Variants in PCDH10 observed in about 807,000 individuals in gnomAD.
PCDH10 encodes the protein protocadherin-10.
PCDH10 carries 15 observed loss-of-function variants against 74.4 expected under a neutral mutation model. The ratio of observed to expected loss-of-function variants is 0.20; its 90% CI spans 0.13 to 0.31. The LOEUF (loss-of-function observed/expected upper bound fraction) is 0.31. Ranked by LOEUF, PCDH10 falls within the 10% of genes least tolerant of loss-of-function variation. PCDH10 has a pLI of 1.00. For synonymous variants in PCDH10, 619 were observed against 589.8 expected (o/e 1.05, Z -0.72); for missense variants, 1,260 against 1,390.2 (o/e 0.91, Z 1.49).
At position 133,203,778 on chromosome 4, in the gene PCDH10, T is replaced by C. The variant is rs571384052; in HGVS notation, n.438-4298T>C. 1.1e-4 allele frequency among the ~76,000 whole-genome samples: 16 copies of C among 152,304 alleles called. 1 individual carries two copies. The South Asian group carries it at 2.7e-3, about 26-fold the overall frequency. On this transcript the variant is annotated intron_variant and non_coding_transcript_variant, in intron 2 of 2. Coordinates refer to the PCDH10 transcript ENST00000511112. The stretch of plus-strand genomic sequence containing the variant: ...CTCTTGGTGCAGACCTTCTGTGTGG[T>C]TGAGGGTAAAAATGTTGGGAGCCTA...
chr4:133,162,878 T>C (rs985344959), intron 3 of PCDH10, 99 bp from the exon 4 acceptor site: 19 of 1,006,562 alleles, frequency 1.9e-5, no homozygotes, highest in Non-Finnish European at 8.7e-6. Context: ...TTAAGACAAC[T>C]TCACTTGTCA....
exon 3 of PCDH10, chr4:133,208,532 C>A (rs1017717450): frequency 6.6e-6 from 1 of 152,040 alleles, no homozygotes; most frequent in Non-Finnish European, 1.5e-5. Flanking sequence ...ACCTTGCACA[C>A]AAAAAATCAT....
chr4:133,180,566 C>T (rs1727395811), intron 4 of PCDH10, among the ~76,000 whole-genome samples: 1 of 151,756 alleles, frequency 6.6e-6, no homozygotes, highest in South Asian at 2.1e-4. Flanking sequence ...GTTTTGTACA[C>T]TTGTGATAGT....
chr4:133,185,462 T>TA (rs951065791), intron 4 of PCDH10, among the ~76,000 whole-genome samples: 1 of 151,988 alleles, frequency 6.6e-6, no homozygotes, highest in Non-Finnish European at 1.5e-5. Flanking sequence ...CAGAGGAAGT[T>TA]AAAAAAATGG....
intron 1 of PCDH10, 28 bp downstream of exon 1, chr4:133,152,799 C>T (rs1422238375): frequency 1.2e-6 from 2 of 1,613,504 alleles, no homozygotes; most frequent in South Asian, 2.2e-5. Flanking sequence ...GGACCACCAT[C>T]TCTCATCTCC....
intron 4 of PCDH10, among the ~76,000 whole-genome samples, chr4:133,165,972 A>C (rs947190488): frequency 6.6e-6 from 1 of 151,698 alleles, no homozygotes; most frequent in Non-Finnish European, 1.5e-5. Flanking sequence ...TTTTTATTTT[A>C]ATGTATTAAC....
At position 133,154,337 on chromosome 4, in the gene PCDH10, C is replaced by G. The variant is rs1726811994; in HGVS notation, c.2662C>G (p.Leu888Val). The stretch of plus-strand genomic sequence containing the variant: ...ACACCAGCGAGCAGAGCTCAGCTAT[C>G]TAGTTGACAGACCTCGCCGAGTTAA... ...TKHQRAELSY[L>V]VDRPRRVNSS... The change falls in exon 2 of 5, where the codon CTA becomes GTA. Residue 888 changes from leucine (L) to valine (V), a missense_variant. Physicochemically the swap from Leu to Val is conservative, Grantham distance 32. Transcript: ENST00000264360. 1.9e-6 allele frequency: 3 copies of G among 1,607,442 alleles called. No homozygotes were observed. Among genetic ancestry groups the G allele is most frequent in the Non-Finnish European group, 2.5e-6 (3 of 1,177,406 alleles).
At chr4:133,199,326 A>T (rs1000786583), downstream of PCDH10, among the ~76,000 whole-genome samples, 1 of 142,552 alleles carries the variant, frequency 7.0e-6, no homozygotes, top group Non-Finnish European at 1.5e-5. Context: ...TAATAATAAT[A>T]ATTAATTAAA....
intron 4 of PCDH10, among the ~76,000 whole-genome samples, chr4:133,169,382 A>C (rs551462829): frequency 2.0e-5 from 3 of 151,950 alleles, no homozygotes; most frequent in Admixed American, 6.6e-5. Context: ...GATCAAAGTT[A>C]ATTACACCAC....
At chr4:133,166,296 TA>T (rs1727079659) in intron 4 of PCDH10, among the ~76,000 whole-genome samples, 1 of 151,588 alleles carries the variant, frequency 6.6e-6, no homozygotes, top group Non-Finnish European at 1.5e-5. Context: ...TTAGCATAAT[TA>T]AAAACACAAA....
At chr4:133,175,731 T>TA (rs1438370310) in intron 4 of PCDH10, among the ~76,000 whole-genome samples, 2 of 152,094 alleles carry the variant, frequency 1.3e-5, no homozygotes, top group Non-Finnish European at 2.9e-5. Context: ...ACTGCACAAA[T>TA]AAAAATACTC....
At chr4:133,184,731 A>G (rs1485852804) in intron 4 of PCDH10, among the ~76,000 whole-genome samples, 1 of 142,854 alleles carries the variant, frequency 7.0e-6, no homozygotes, top group Non-Finnish European at 1.5e-5. Context: ...ACATATATTT[A>G]TATATTATAT....
Position 133,192,969 on chromosome 4 carries a change from A to G in PCDH10, c.*2809A>G, listed in dbSNP as rs1380439745. The G allele has an allele frequency of 6.6e-6, 1 of 151,622 alleles. No homozygotes were observed. Among genetic ancestry groups the G allele is most frequent in the African/African-American group, 2.4e-5 (1 of 41,402 alleles). 9.4% of individuals were successfully genotyped at this position (151,622 alleles called of 1,614,324 possible). The stretch of plus-strand genomic sequence containing the variant: ...AATCTTACATAATTTTATATACATC[A>G]AAGAATAATATCCATCGTATTAGAC... On this transcript the variant is annotated 3_prime_UTR_variant, in exon 5 of 5. Coordinates refer to ENST00000264360, the MANE Select transcript of PCDH10 (RefSeq NM_032961.3).
chr4:133,175,170 C>G (rs1024955780), intron 4 of PCDH10, among the ~76,000 whole-genome samples: 2 of 151,766 alleles, frequency 1.3e-5, no homozygotes, highest in African/African-American at 4.8e-5. Context: ...AGTCTGTGTT[C>G]TTTTTTCTAA....
chr4:133,172,143 C>T (rs565180000), intron 4 of PCDH10, among the ~76,000 whole-genome samples: 1 of 152,090 alleles, frequency 6.6e-6, no homozygotes, highest in East Asian at 1.9e-4. Context: ...CATGTTTCAT[C>T]CAAACACTGA....
At position 133,154,288 on chromosome 4, in the gene PCDH10, T is replaced by G; in HGVS notation, c.2632-19T>G. On this transcript the variant is annotated intron_variant, in intron 1 of 4. Transcript: ENST00000264360. Reference sequence around the variant, plus strand: ...CCCATAGCATTCAAATGCTCTTGATTTATTTATTTTTTTCCTAGACTAAAC... The same window carrying G: ...CCCATAGCATTCAAATGCTCTTGATGTATTTATTTTTTTCCTAGACTAAAC... The G allele has an allele frequency of 6.3e-7, 1 of 1,576,158 alleles. No homozygotes were observed. The highest frequency in any genetic ancestry group is 8.7e-7 in the Non-Finnish European group (1 of 1,149,672).
At chr4:133,159,166 C>T (rs540071279) in intron 3 of PCDH10, among the ~76,000 whole-genome samples, 1 of 152,004 alleles carries the variant, frequency 6.6e-6, no homozygotes, top group East Asian at 1.9e-4. Flanking sequence ...AAGCTTGTTG[C>T]ACAAAAAGAA....
chr4:133,183,825 A>G (rs1241718387), intron 4 of PCDH10, among the ~76,000 whole-genome samples: 2 of 152,126 alleles, frequency 1.3e-5, no homozygotes, highest in African/African-American at 4.8e-5. Context: ...TAAGGGTGCC[A>G]GGGTTGCTAG....
In PCDH10 at chr4:133,151,114, A is replaced by G; in HGVS notation, c.974A>G (p.Gln325Arg). 1 of 1,614,106 alleles carries G rather than the reference A, an allele frequency of 6.2e-7. No homozygotes were observed. The highest frequency in any genetic ancestry group is 8.5e-7 in the Non-Finnish European group (1 of 1,180,020). Reference sequence around the variant, plus strand: ...GACTATGAAGAGAGCCCAGTGTACCAAGTGTACGTGCAAGCCAAGGACCTG... The same window carrying G: ...GACTATGAAGAGAGCCCAGTGTACCGAGTGTACGTGCAAGCCAAGGACCTG... ...ELDYEESPVY[Q>R]VYVQAKDLGP... Residue 325 changes from glutamine to arginine, a missense_variant, in exon 1 of 5, where the codon CAA becomes CGA. Transcript: ENST00000264360.
Sources: allele counts gnomAD v4.1 joint callset (sites outside exome capture counted in the v4.1 genomes callset), GRCh38; gene constraint gnomAD v4.1.1; transcripts MANE v1.5; gene names NCBI Gene and HGNC (gene_info 2026-07-23, HGNC 2026-07-21).